The following ST14 variants were observed in gnomAD, a reference collection of about 807,000 sequenced individuals.
The protein encoded by ST14 is suppressor of tumorigenicity 14 protein.
ST14 carries 40 observed loss-of-function variants against 96.5 expected under a neutral mutation model. That is an observed-to-expected ratio of 0.41 (90% confidence interval 0.32 to 0.54). The LOEUF (loss-of-function observed/expected upper bound fraction) is 0.54, where lower values mean the gene tolerates loss of function less well. ST14 is among the 20% of genes least tolerant of loss of function. The pLI is 0.17. For missense variants in ST14, 1,066 were observed against 1,188.9 expected, an observed-to-expected ratio of 0.90 and a Z score of 1.52; for synonymous variants, 506 against 492.1, an observed-to-expected ratio of 1.03 and a Z score of -0.37.
intron 7 of ST14, among the ~76,000 whole-genome samples, chr11:130,192,118 G>A (rs145281674): frequency 2.6e-5 from 4 of 152,306 alleles, no homozygotes; most frequent in East Asian, 1.9e-4. Context: ...TGGGTGAGCC[G>A]CCTCTCCTGC....
intron 1 of ST14, among the ~76,000 whole-genome samples, chr11:130,174,864 A>G (rs944973303): frequency 6.6e-6 from 1 of 152,212 alleles, no homozygotes; most frequent in Non-Finnish European, 1.5e-5. Context: ...AGCCCAGCCC[A>G]GACTTTTTTT....
At chr11:130,199,785 A>T (rs1317104573) in intron 15 of ST14, among the ~76,000 whole-genome samples, 166 bp from the exon 16 acceptor site, 3 of 152,204 alleles carry the variant, frequency 2.0e-5, no homozygotes, top group Non-Finnish European at 1.5e-5. Context: ...TGTGAAGCTC[A>T]AAGATAGTTT....
At chr11:130,201,133 A>G (rs639806) in intron 16 of ST14, among the ~76,000 whole-genome samples, 109,254 of 152,236 alleles carry the variant, frequency 0.72, 39,449 homozygotes, top group Admixed American at 0.82. Context: ...AGACACACAG[A>G]CAGATGAGAG....
intron 16 of ST14, among the ~76,000 whole-genome samples, chr11:130,205,758 G>A (rs1953480702): frequency 1.4e-5 from 2 of 143,578 alleles, no homozygotes; most frequent in Middle Eastern, 3.6e-3. Context: ...GAGTGCAGTG[G>A]CACAATCTAA....
chr11:130,194,870 G>GTGTGTGTGTT (rs1953344167), intron 9 of ST14, 133 bp downstream of exon 9: 7 of 838,274 alleles, frequency 8.4e-6, no homozygotes, highest in African/African-American at 5.0e-5. Flanking sequence ...GTGTGTGTGT[G>GTGTGTGTGTT]TGTGTGCGTA....
intron 15 of ST14, among the ~76,000 whole-genome samples, chr11:130,199,630 G>T (rs1311932145): frequency 6.6e-6 from 1 of 152,182 alleles, no homozygotes; most frequent in Non-Finnish European, 1.5e-5. Flanking sequence ...ATGATGTCAA[G>T]TCAGGCAGAT....
intron 7 of ST14, 32 bp from the exon 8 acceptor site, chr11:130,194,117 C>T (rs375461337): frequency 7.4e-6 from 12 of 1,614,140 alleles, no homozygotes; most frequent in Non-Finnish European, 9.3e-6. Context: ...GTTCTGTCTG[C>T]TCTTCCTAAT....
At position 130,204,928 on chromosome 11, in the gene ST14, G is replaced by A. The variant is rs186666318; in HGVS notation, c.1995-3482G>A. On this transcript the variant is annotated intron_variant, in intron 16 of 18. Coordinates refer to ENST00000278742, the MANE Select transcript of ST14 (RefSeq NM_021978.4). Reference sequence around the variant, plus strand: ...AGGCTGGGTTTAGTGCTCCGGGGTCGGGGAGGTGCCCTGGCTGGGTGGTTC... The same window carrying A: ...AGGCTGGGTTTAGTGCTCCGGGGTCAGGGAGGTGCCCTGGCTGGGTGGTTC... Among the ~76,000 whole-genome samples the A allele has an allele frequency of 1.6e-4, 24 of 152,262 alleles. No homozygotes were observed. In the East Asian group the frequency reaches 2.9e-3, roughly 18 times the overall value.
Position 130,181,207 on chromosome 11 carries a change from C to T in ST14, c.82-6907C>T, listed in dbSNP as rs983909877. Among the ~76,000 whole-genome samples the T allele has an allele frequency of 6.6e-6, 1 of 152,010 alleles. No individual in the cohort carries two copies. Among genetic ancestry groups the T allele is most frequent in the Non-Finnish European group, 1.5e-5 (1 of 68,008 alleles). On this transcript the variant is annotated intron_variant, in intron 1 of 18. Coordinates refer to ENST00000278742, the MANE Select transcript of ST14 (RefSeq NM_021978.4). This position sits in a 1 kb window ranked among gnomAD's most constrained non-coding sequence, Gnocchi z 4.1. ...CTGCTGGGTGGGATGGTGGTCTGAT[C>T]TCGCCCCTGCTGGGTGAGATAGTGG...
In ST14 at chr11:130,190,667, G is replaced by A; in HGVS notation, c.848G>A (p.Ser283Asn). Residue 283 changes from serine to asparagine, a missense_variant, in exon 7 of 19, where the codon AGC (serine) becomes AAC (asparagine). Physicochemically the swap from Ser to Asn is conservative, Grantham distance 46 (BLOSUM62 1). Transcript: ENST00000278742. ...CTGGTGACGGTGTACAACACCCTGAGCCCCATGGAGCCCCACGCCCTGGTG... is the reference window on the plus strand; with the variant it reads ...CTGGTGACGGTGTACAACACCCTGAACCCCATGGAGCCCCACGCCCTGGTG... ...SDLVTVYNTLSPMEPHALVQL... is the reference protein window; with the variant it reads ...SDLVTVYNTLNPMEPHALVQL... 6.3e-7 allele frequency: 1 copy of A among 1,595,734 alleles called. No homozygotes were observed. The highest frequency in any genetic ancestry group is 8.5e-7 in the Non-Finnish European group (1 of 1,172,046).
chr11:130,171,913 A>G (rs1342545977), intron 1 of ST14, among the ~76,000 whole-genome samples: 1 of 152,184 alleles, frequency 6.6e-6, no homozygotes, highest in Admixed American at 6.5e-5. Flanking sequence ...GTCCAGGGAG[A>G]GCCACGAAGA....
At chr11:130,206,667 A>C (rs1953493082) in intron 16 of ST14, among the ~76,000 whole-genome samples, 1 of 151,414 alleles carries the variant, frequency 6.6e-6, no homozygotes, top group Admixed American at 6.6e-5. Context: ...TCCTGGGTTC[A>C]AGCAATTCTC....
In ST14 at chr11:130,194,502, C is replaced by G. The variant is rs1272193965; in HGVS notation, c.1016-138C>G. The stretch of plus-strand genomic sequence containing the variant: ...TGAAGCTTCGGCACCCGGCACCTGG[C>G]CTTCCTGGCTGTGCACCTGCTGTGC... On this transcript the variant is annotated intron_variant, in intron 8 of 18. Transcript: ENST00000278742. 7.9e-6 allele frequency: 9 copies of G among 1,140,122 alleles called. No individual in the cohort carries two copies. In the Admixed American group the frequency reaches 1.0e-4, roughly 13 times the overall value. The allele number at this position is 1,140,122 out of a possible 1,614,324, so 70.6% of individuals were successfully genotyped here. A position where few individuals can be genotyped will look rare whatever the true frequency, so the allele number is the denominator to read the frequency against.
chr11:130,190,389 G>C (rs1953284481), intron 6 of ST14, 65 bp from the exon 7 acceptor site: 2 of 1,597,270 alleles, frequency 1.3e-6, no homozygotes, highest in East Asian at 2.2e-5. Context: ...CGGGGTCTCA[G>C]GGTCCTCCCC....
intron 1 of ST14, among the ~76,000 whole-genome samples, chr11:130,180,553 T>C (rs549341815): frequency 6.6e-6 from 1 of 152,324 alleles, no homozygotes; most frequent in Non-Finnish European, 1.5e-5. Flanking sequence ...CATGGCAAAT[T>C]CTGGCTTTGG....
Position 130,198,381 on chromosome 11 carries a change from G to A in ST14, c.1533G>A (p.Val511=). ...CKPLFWVCDS[V]NDCGDNSDEQ... ...CCCTCTTCTGGGTCTGCGACAGTGT[G>A]AACGACTGCGGAGACAACAGCGACG... The change falls in exon 13 of 19, where the codon GTG becomes GTA. Residue 511 remains valine (V), a synonymous_variant. Transcript: ENST00000278742. 6.2e-7 allele frequency: 1 copy of A among 1,614,156 alleles called. No homozygotes were observed. Among genetic ancestry groups the A allele is most frequent in the Non-Finnish European group, 8.5e-7 (1 of 1,180,038 alleles).
chr11:130,167,705 G>A (rs1953054605), intron 1 of ST14, among the ~76,000 whole-genome samples: 1 of 152,080 alleles, frequency 6.6e-6, no homozygotes, highest in Non-Finnish European at 1.5e-5. Context: ...AATTTCGAAG[G>A]GCAGGAGTGA....
Position 130,159,963 on chromosome 11 carries a change from G to A in ST14, c.-17G>A. On this transcript the variant is annotated 5_prime_UTR_variant, in exon 1 of 19. Coordinates refer to ENST00000278742, the MANE Select transcript of ST14 (RefSeq NM_021978.4). ...CAGGGACGACGCCTGTGAGACCCGC[G>A]AGCGGCCTCGGGGACCATGGGGAGC... The A allele has an allele frequency of 1.5e-6, 2 of 1,321,190 alleles. No homozygotes were observed. The highest frequency in any genetic ancestry group is 9.8e-7 in the Non-Finnish European group (1 of 1,023,648). 81.8% of individuals were successfully genotyped at this position (1,321,190 alleles called of 1,614,324 possible).
At chr11:130,204,196 G>T (rs1301161923) in intron 16 of ST14, among the ~76,000 whole-genome samples, 1 of 152,204 alleles carries the variant, frequency 6.6e-6, no homozygotes, top group Non-Finnish European at 1.5e-5. Context: ...TCGCATCACA[G>T]ATGCCCAGAG....
Sources: allele counts gnomAD v4.1 joint callset (sites outside exome capture counted in the v4.1 genomes callset), GRCh38; gene constraint gnomAD v4.1.1; non-coding constraint Gnocchi (gnomAD v3.1); transcripts MANE v1.5; gene names NCBI Gene and HGNC (gene_info 2026-07-23, HGNC 2026-07-21).